The following SCNN1D variants were observed in gnomAD, a reference collection of about 807,000 sequenced individuals.
SCNN1D encodes sodium channel epithelial 1 subunit delta.
In SCNN1D, 104 loss-of-function variants were observed where a neutral mutation model predicts 87.8. That is an observed-to-expected ratio of 1.18 (90% CI 1.01 to 1.39). SCNN1D has a LOEUF of 1.39. SCNN1D is among the 40% of genes most tolerant of loss of function. The pLI is 0.00. For missense variants in SCNN1D, 1,324 were observed against 1,093.9 expected (o/e 1.21, Z -2.97); for synonymous variants, 628 against 481.2 (o/e 1.31, Z -3.99).
chr1:1,282,917 T>C (rs1038316646), intron 4 of SCNN1D, among the ~76,000 whole-genome samples: 2 of 151,998 alleles, frequency 1.3e-5, no homozygotes, highest in African/African-American at 4.8e-5. Context: ...CGCGCCCACC[T>C]AATTTTTTGT....
At chr1:1,283,571 G>A (rs1640512277) in intron 4 of SCNN1D, among the ~76,000 whole-genome samples, 1 of 152,184 alleles carries the variant, frequency 6.6e-6, no homozygotes, top group Non-Finnish European at 1.5e-5. Context: ...GGTGGCAGGT[G>A]CCCGTAATCC....
chr1:1,290,351 G>A lies in SCNN1D; in HGVS notation c.1743G>A (p.Gly581=), dbSNP rs1640760715. The A allele has an allele frequency of 3.1e-6, 5 of 1,597,700 alleles. No individual in the cohort carries two copies. Among genetic ancestry groups the A allele is most frequent in the South Asian group, 1.1e-5 (1 of 89,130 alleles). Reference sequence around the variant, plus strand: ...ACTACCTCCACCCTCTGCCGGCGGGGGCTGAGTACTGCAGCTCTGCCCGGC... The same window carrying A: ...ACTACCTCCACCCTCTGCCGGCGGGAGCTGAGTACTGCAGCTCTGCCCGGC... ...CGYYLHPLPA[G]AEYCSSARHP... The change falls in exon 13 of 18, where the codon GGG becomes GGA. Residue 581 remains glycine (G), a synonymous_variant. Coordinates refer to ENST00000379116, the MANE Select transcript of SCNN1D (RefSeq NM_001130413.4).
chr1:1,280,798 C>A, intron 1 of SCNN1D, 132 bp downstream of exon 1: 1 of 639,442 alleles, frequency 1.6e-6, no homozygotes, highest in Non-Finnish European at 2.9e-6. Flanking sequence ...ATGAGGGAAC[C>A]TAGAAGGCAG....
intron 3 of SCNN1D, 43 bp downstream of exon 3, chr1:1,281,653 G>A: frequency 6.7e-7 from 1 of 1,502,688 alleles, no homozygotes; most frequent in Non-Finnish European, 8.9e-7. Flanking sequence ...CGGGAGGAGG[G>A]GAGGGGGGTG....
rs1640797520 is a variant in SCNN1D, at chr1:1,291,098, G to A, written c.2010G>A (p.Gln670=). The A allele has an allele frequency of 2.5e-6, 4 of 1,612,342 alleles. No homozygotes were observed. The highest frequency in any genetic ancestry group is 8.5e-7 in the Non-Finnish European group (1 of 1,179,824). The change falls in exon 17 of 18, where the codon CAG becomes CAA. Residue 670 remains glutamine (Q), a synonymous_variant. Coordinates refer to ENST00000379116, the MANE Select transcript of SCNN1D (RefSeq NM_001130413.4). ...SSLAKINIVY[Q]ELNYRSVEEA... is the part of the protein sequence containing the mutation. ...TGGCCAAAATCAACATCGTCTACCA[G>A]GAGCTCAACTACCGCTCAGTGGAGG...
chr1:1,291,338 C>A lies in SCNN1D; in HGVS notation c.2137C>A (p.Leu713Met). The A allele has an allele frequency of 6.2e-7, 1 of 1,604,480 alleles. No individual in the cohort carries two copies. Among genetic ancestry groups the A allele is most frequent in the Middle Eastern group, 2.0e-4 (1 of 5,068 alleles). ...SVLSLLELLE[L>M]LLDASALTLV... ...CCTCTCCCTCCTGGAGCTCCTGGAGCTGCTGCTCGATGCTTCTGCCCTCAC... is the reference window on the plus strand; with the variant it reads ...CCTCTCCCTCCTGGAGCTCCTGGAGATGCTGCTCGATGCTTCTGCCCTCAC... The change falls in exon 18 of 18, where the codon CTG (leucine) becomes ATG (methionine). Residue 713 changes from leucine (L) to methionine (M), a missense_variant. Transcript: ENST00000379116.
At chr1:1,285,486 C>T in intron 5 of SCNN1D, 85 bp from the exon 6 acceptor site, 1 of 933,882 alleles carries the variant, frequency 1.1e-6, no homozygotes, top group Non-Finnish European at 1.6e-6. Context: ...GTGCAGCCAT[C>T]AGGGGCAAGA....
intron 6 of SCNN1D, 106 bp from the exon 7 acceptor site, chr1:1,285,820 C>T (rs766996696): frequency 7.6e-5 from 97 of 1,283,526 alleles, no homozygotes; most frequent in Non-Finnish European, 9.8e-5. Context: ...TCCGAGCGAC[C>T]GAGCAGGTAG....
chr1:1,280,634 T>C lies in SCNN1D; in HGVS notation c.-28T>C. On this transcript the variant is annotated 5_prime_UTR_variant, in exon 1 of 18. Transcript: ENST00000379116. ...TCAAGGCCTGAGGTGATGCTGATGC[T>C]GTGCCTGAATTCCAGCAGGGAGGAG... The C allele has an allele frequency of 1.4e-6, 1 of 700,348 alleles. No homozygotes were observed. The allele number at this position is 700,348 out of a possible 1,614,324, so 43.4% of individuals were successfully genotyped here. A position where few individuals can be genotyped will look rare whatever the true frequency, so the allele number is the denominator to read the frequency against.
chr1:1,285,702 C>T (rs1174311169), intron 6 of SCNN1D, 38 bp downstream of exon 6: 1 of 1,445,908 alleles, frequency 6.9e-7, no homozygotes, highest in Non-Finnish European at 9.3e-7. Context: ...GTCCTGCTGC[C>T]CCAGCAGCCC....
At chr1:1,285,527 C>G in intron 5 of SCNN1D, 44 bp from the exon 6 acceptor site, 1 of 1,329,802 alleles carries the variant, frequency 7.5e-7, no homozygotes, top group Non-Finnish European at 1.0e-6. Context: ...CCCCAGACCC[C>G]ACGCGGGGCG....
intron 15 of SCNN1D, 31 bp downstream of exon 15, chr1:1,290,725 T>C: frequency 1.9e-6 from 3 of 1,611,426 alleles, no homozygotes; most frequent in Non-Finnish European, 2.5e-6. Flanking sequence ...GGTGGGGGTG[T>C]GGACAGCCAG....
In SCNN1D at chr1:1,291,072, C is replaced by T. The variant is rs770014383; in HGVS notation, c.1984C>T (p.Leu662=). The change falls in exon 17 of 18, where the codon CTG becomes TTG. Residue 662 remains leucine, a synonymous_variant. Coordinates refer to ENST00000379116, the MANE Select transcript of SCNN1D (RefSeq NM_001130413.4). ...GCCTCTATCCTGCCCCAGGAGCAGC[C>T]TGGCCAAAATCAACATCGTCTACCA... ...PHQSHRQRSS[L]AKINIVYQEL... is the part of the protein sequence containing the mutation. 4.8e-5 allele frequency: 78 copies of T among 1,612,118 alleles called. No individual in the cohort carries two copies. The highest frequency in any genetic ancestry group is 6.4e-5 in the Non-Finnish European group (76 of 1,179,766).
At chr1:1,280,725 G>A (rs1640452922) in intron 1 of SCNN1D, 59 bp downstream of exon 1, 1 of 697,498 alleles carries the variant, frequency 1.4e-6, no homozygotes, top group South Asian at 1.5e-5. Flanking sequence ...ACTTTGGAAT[G>A]CCCATGGCTA....
chr1:1,282,213 A>G, intron 3 of SCNN1D, 29 bp from the exon 4 acceptor site: 1 of 1,260,152 alleles, frequency 7.9e-7, no homozygotes, highest in Non-Finnish European at 1.1e-6. Flanking sequence ...AAGGCCACAC[A>G]GCCAGTGACG....
intron 15 of SCNN1D, 81 bp downstream of exon 15, chr1:1,290,775 G>A (rs1640782739): frequency 2.5e-6 from 4 of 1,590,902 alleles, no homozygotes; most frequent in South Asian, 1.1e-5. Flanking sequence ...CCAAGACAAG[G>A]GCAGGGCCGG....
At position 1,287,186 on chromosome 1, in the gene SCNN1D, C is replaced by G. The variant is rs759780601; in HGVS notation, c.1197C>G (p.Phe399Leu). 3 of 1,612,264 alleles carry G rather than the reference C, an allele frequency of 1.9e-6. No individual in the cohort carries two copies. The highest frequency in any genetic ancestry group is 1.3e-5 in the African/African-American group (1 of 75,048). ...GVAAVQDWYH[F>L]HYVDILALLP... ...CGGCTGTCCAGGACTGGTACCACTT[C>G]CACTATGTGGATATCCTGGCCCTGC... Residue 399 changes from phenylalanine to leucine, a missense_variant, in exon 9 of 18, where the codon TTC becomes TTG. Transcript: ENST00000379116.
chr1:1,288,561 GCTCCGTC>G lies in SCNN1D; in HGVS notation c.1662+526_1662+532del, dbSNP rs1287381986. Among the ~76,000 whole-genome samples, 5 of 40,460 alleles carry G rather than the reference GCTCCGTC, an allele frequency of 1.2e-4. 1 individual carries two copies. Among genetic ancestry groups the G allele is most frequent in the African/African-American group, 2.5e-4 (2 of 7,920 alleles). 26.5% of individuals were successfully genotyped at this position (40,460 alleles called of 152,430 possible). A position where few individuals can be genotyped will look rare whatever the true frequency, so the allele number is the denominator to read the frequency against. On this transcript the variant is annotated intron_variant, in intron 12 of 17. Coordinates refer to ENST00000379116, the MANE Select transcript of SCNN1D (RefSeq NM_001130413.4). The stretch of plus-strand genomic sequence containing the variant: ...TCTCTGCTCCGTCCCCCGTGTCTCT[GCTCCGTC>G]CCCCGTGTCTCTGCTCCGTCCCGTG...
chr1:1,291,568 G>A lies in SCNN1D; in HGVS notation c.2367G>A (p.Glu789=), dbSNP rs1389333072. Residue 789 remains glutamate (E), a synonymous_variant, in exon 18 of 18, where the codon GAG becomes GAA. Coordinates refer to ENST00000379116, the MANE Select transcript of SCNN1D (RefSeq NM_001130413.4). ...PGVLAGVSAE[E]SWAGPQPLET... ...TTCTGGCGGGAGTCTCAGCCGAAGA[G>A]AGCTGGGCTGGGCCCCAGCCCCTTG... is the stretch of plus-strand genomic sequence containing the variant. 1.9e-6 allele frequency: 3 copies of A among 1,578,780 alleles called. No individual in the cohort carries two copies. In the East Asian group the frequency reaches 6.8e-5, roughly 36 times the overall value.
Sources: allele counts gnomAD v4.1 joint callset (sites outside exome capture counted in the v4.1 genomes callset), GRCh38; gene constraint gnomAD v4.1.1; transcripts MANE v1.5; gene names NCBI Gene and HGNC (gene_info 2026-07-23, HGNC 2026-07-21).